The following SHE variants were observed in gnomAD, a reference collection of about 807,000 sequenced individuals.
The protein encoded by SHE is Src homology 2 domain containing E.
Under a neutral mutation model 49.8 loss-of-function variants are expected in SHE, and 11 were observed. The ratio of observed to expected loss-of-function variants is 0.22; its 90% CI spans 0.14 to 0.37. SHE has a LOEUF of 0.37. Ranked by LOEUF, SHE falls within the 10% of genes least tolerant of loss-of-function variation. The probability of loss-of-function intolerance (pLI) is 1.00; values close to 1 mark genes in which losing one functional copy is unlikely to be tolerated. For missense variants in SHE, 624 were observed against 655.5 expected (o/e 0.95, Z 0.52); for synonymous variants, 310 against 278.1 (o/e 1.11, Z -1.14).
intron 2 of SHE, 72 bp from the exon 3 acceptor site, chr1:154,489,428 G>A: frequency 6.5e-7 from 1 of 1,541,662 alleles, no homozygotes; most frequent in East Asian, 2.2e-5. Context: ...TGCCATAAAA[G>A]CCTGGTCATT....
downstream of SHE, chr1:154,469,754 A>T (rs903722482): frequency 3.9e-5 from 6 of 152,322 alleles, no homozygotes; most frequent in Admixed American, 6.5e-5. Flanking sequence ...ACAGGTGGGG[A>T]AGGAAAAGGA....
chr1:154,501,753 C>T lies in SHE; in HGVS notation c.274G>A (p.Gly92Ser), dbSNP rs758788346. 1.3e-6 allele frequency: 2 copies of T among 1,572,690 alleles called. No individual in the cohort carries two copies. The highest frequency in any genetic ancestry group is 1.7e-6 in the Non-Finnish European group (2 of 1,164,304). ...RKNSAAELGS[G>S]RAGVGPKDSR... The stretch of plus-strand genomic sequence containing the variant: ...TCCTTGGGGCCGACGCCGGCCCTGC[C>T]GCTCCCCAGCTCGGCCGCCGAGTTC... The change falls in exon 1 of 6, where the codon GGC becomes AGC. Residue 92 changes from glycine (G) to serine (S), a missense_variant. By Grantham distance (56) the Gly-to-Ser change is moderately conservative (BLOSUM62 0). Around this residue, in one of 4 missense-constraint regions of SHE, gnomAD observed 337 missense variants for 306.0 expected, o/e 1.10. Coordinates refer to ENST00000304760, the MANE Select transcript of SHE (RefSeq NM_001010846.3).
intron 3 of SHE, among the ~76,000 whole-genome samples, chr1:154,488,596 T>C (rs1473049342): frequency 6.6e-6 from 1 of 150,586 alleles, no homozygotes; most frequent in Non-Finnish European, 1.5e-5. Context: ...TAGTTACTTA[T>C]TATTTTTTGA....
chr1:154,484,687 G>T, intron 5 of SHE: 1 of 192,576 alleles, frequency 5.2e-6, no homozygotes, highest in Non-Finnish European at 1.1e-5. Context: ...CCTCGGCTGG[G>T]CACGGTGGCT....
Position 154,481,026 on chromosome 1 carries a change from T to C in SHE, c.*3123A>G. 4.1e-6 allele frequency: 4 copies of C among 985,334 alleles called. No individual in the cohort carries two copies. The highest frequency in any genetic ancestry group is 4.8e-6 in the Non-Finnish European group (4 of 829,904). The allele number at this position is 985,334 out of a possible 1,614,324, so 61.0% of individuals were successfully genotyped here. On this transcript the variant is annotated 3_prime_UTR_variant, in exon 6 of 6. Coordinates refer to ENST00000304760, the MANE Select transcript of SHE (RefSeq NM_001010846.3). ...TCTCACCAGAGAATATCCTGGGAGA[T>C]GGAATAACTCGAAGGAATGAGGACT...
rs574008664 is a variant in SHE at position 154,483,408 on chromosome 1, C to T, written c.*741G>A. 3.9e-5 allele frequency: 38 copies of T among 985,378 alleles called. No homozygotes were observed. In the East Asian group the frequency reaches 5.7e-4, roughly 15 times the overall value. 61.0% of individuals were successfully genotyped at this position (985,378 alleles called of 1,614,324 possible). ...TCCCGCTCATTCATTTCCCCAATAA[C>T]GAGTCCAATATAACATCCTCTTCCA... On this transcript the variant is annotated 3_prime_UTR_variant, in exon 6 of 6. Transcript: ENST00000304760.
At position 154,489,196 on chromosome 1, in the gene SHE, G is replaced by A. The variant is rs370622804; in HGVS notation, c.879C>T (p.Pro293=). 3.1e-6 allele frequency: 5 copies of A among 1,614,082 alleles called. No homozygotes were observed. In the East Asian group the frequency reaches 8.9e-5, roughly 29 times the overall value. ...LGKPPQLYDT[P]YEPAEGGPRA... Reference sequence around the variant, plus strand: ...TGGGCCCCCCTTCTGCAGGCTCGTAGGGAGTGTCGTATAGCTGTGGCGGCT... The same window carrying A: ...TGGGCCCCCCTTCTGCAGGCTCGTAAGGAGTGTCGTATAGCTGTGGCGGCT... The change falls in exon 3 of 6, where the codon CCC becomes CCT. Residue 293 remains proline, a synonymous_variant. Transcript: ENST00000304760.
chr1:154,489,569 C>T (rs141899119), intron 2 of SHE, among the ~76,000 whole-genome samples: 1 of 152,336 alleles, frequency 6.6e-6, no homozygotes, highest in Non-Finnish European at 1.5e-5. Context: ...AACTTCTTCC[C>T]TCCAGTTGCC....
downstream of SHE, among the ~76,000 whole-genome samples, chr1:154,478,823 A>C (rs901884166): frequency 4.1e-4 from 63 of 152,200 alleles, no homozygotes; most frequent in African/African-American, 1.5e-3. Context: ...CTCTTCTCTT[A>C]AACACAGATG....
chr1:154,480,007 A>G lies in SHE; in HGVS notation c.*4142T>C, dbSNP rs1184061904. On this transcript the variant is annotated 3_prime_UTR_variant, in exon 6 of 6. Coordinates refer to ENST00000304760, the MANE Select transcript of SHE (RefSeq NM_001010846.3). ...CCCAACTGCAGTTTTCTCTTTTCCC[A>G]TTAGATGGCAGTAACGCACCATCTC... The G allele has an allele frequency of 1.4e-5, 14 of 985,254 alleles. No homozygotes were observed. The highest frequency in any genetic ancestry group is 1.7e-5 in the Non-Finnish European group (14 of 829,926). The allele number at this position is 985,254 out of a possible 1,614,324, so 61.0% of individuals were successfully genotyped here.
Position 154,482,815 on chromosome 1 carries a change from T to C in SHE, c.*1334A>G, listed in dbSNP as rs1312757221. On this transcript the variant is annotated 3_prime_UTR_variant, in exon 6 of 6. Coordinates refer to ENST00000304760, the MANE Select transcript of SHE (RefSeq NM_001010846.3). The stretch of plus-strand genomic sequence containing the variant: ...CTAGGTCTTTTCAAACACTTCTGTA[T>C]AGTACAAGGCAGTCTGCTTGGTACA... The C allele has an allele frequency of 1.1e-5, 11 of 985,354 alleles. No homozygotes were observed. The highest frequency in any genetic ancestry group is 3.5e-5 in the African/African-American group (2 of 57,250). The allele number at this position is 985,354 out of a possible 1,614,324, so 61.0% of individuals were successfully genotyped here. A position where few individuals can be genotyped will look rare whatever the true frequency, so the allele number is the denominator to read the frequency against.
rs529630529 is a variant in SHE at position 154,483,594 on chromosome 1, C to G, written c.*555G>C. 7.1e-6 allele frequency: 7 copies of G among 985,642 alleles called. No individual in the cohort carries two copies. Among genetic ancestry groups the G allele is most frequent in the Non-Finnish European group, 8.4e-6 (7 of 830,150 alleles). 61.1% of individuals were successfully genotyped at this position (985,642 alleles called of 1,614,324 possible). The stretch of plus-strand genomic sequence containing the variant: ...TCACACCATAAAAAGAACACCCTAC[C>G]CCAGAGCTGGAGGCAACAGCTAAAT... On this transcript the variant is annotated 3_prime_UTR_variant, in exon 6 of 6. Transcript: ENST00000304760.
intron 1 of SHE, among the ~76,000 whole-genome samples, chr1:154,470,524 CAG>C (rs1177016300): frequency 6.6e-6 from 1 of 152,176 alleles, no homozygotes; most frequent in Non-Finnish European, 1.5e-5. Flanking sequence ...CCTCCAGTAG[CAG>C]AGGTGTGCTG....
At chr1:154,494,059 C>T (rs1165545179) in intron 2 of SHE, among the ~76,000 whole-genome samples, 2 of 152,206 alleles carry the variant, frequency 1.3e-5, no homozygotes, top group African/African-American at 2.4e-5. Context: ...TCCCCTAATC[C>T]ATTTTAACCC....
At position 154,480,618 on chromosome 1, in the gene SHE, A is replaced by G. The variant is rs1691993272; in HGVS notation, c.*3531T>C. On this transcript the variant is annotated 3_prime_UTR_variant, in exon 6 of 6. Coordinates refer to ENST00000304760, the MANE Select transcript of SHE (RefSeq NM_001010846.3). ...AATACCAATTCTGCAAAGTACGGAG[A>G]CTTCCAACAGCAAAGAATAAAGGCT... 1 of 985,364 alleles carries G rather than the reference A, an allele frequency of 1.0e-6. No individual in the cohort carries two copies. Among genetic ancestry groups the G allele is most frequent in the Admixed American group, 6.2e-5 (1 of 16,248 alleles). The allele number at this position is 985,364 out of a possible 1,614,324, so 61.0% of individuals were successfully genotyped here.
rs895986888 is a variant in SHE, at chr1:154,480,409, TCA to T, written c.*3738_*3739del. ...ACTTAACCCGCAACTGAAGAATGCCTCACAGTTATTCTTCTGAATATCAAGAT... is the reference window on the plus strand; with the variant it reads ...ACTTAACCCGCAACTGAAGAATGCCTCAGTTATTCTTCTGAATATCAAGAT... On this transcript the variant is annotated 3_prime_UTR_variant, in exon 6 of 6. Coordinates refer to ENST00000304760, the MANE Select transcript of SHE (RefSeq NM_001010846.3). 1.1e-4 allele frequency: 109 copies of T among 985,294 alleles called. 1 individual carries two copies. Among genetic ancestry groups the T allele is most frequent in the Middle Eastern group, 5.2e-4 (1 of 1,936 alleles). The allele number at this position is 985,294 out of a possible 1,614,324, so 61.0% of individuals were successfully genotyped here. A position where few individuals can be genotyped will look rare whatever the true frequency, so the allele number is the denominator to read the frequency against.
chr1:154,486,008 G>A lies in SHE; in HGVS notation c.1236C>T (p.Cys412=), dbSNP rs373471610. The change falls in exon 5 of 6, where the codon TGC becomes TGT. Residue 412 remains cysteine (C), a synonymous_variant. Transcript: ENST00000304760. ...RAEAESRLQP[C]KEAGYLVRNS... ...TTCGAACCAGGTAACCAGCTTCTTTGCAGGGCTGTAGTCGACTCTCAGCCT... is the reference window on the plus strand; with the variant it reads ...TTCGAACCAGGTAACCAGCTTCTTTACAGGGCTGTAGTCGACTCTCAGCCT... The A allele has an allele frequency of 1.3e-4, 202 of 1,613,992 alleles. No individual in the cohort carries two copies. Among genetic ancestry groups the A allele is most frequent in the Admixed American group, 1.7e-4 (10 of 59,996 alleles).
Position 154,501,801 on chromosome 1 carries a change from G to T in SHE, c.226C>A (p.Pro76Thr). The change falls in exon 1 of 6, where the codon CCG becomes ACG. Residue 76 changes from proline to threonine, a missense_variant. Pro to Thr is a conservative substitution (Grantham distance 38, BLOSUM62 -1). Around this residue, in one of 4 missense-constraint regions of SHE, gnomAD observed 337 missense variants for 306.0 expected, o/e 1.10. Coordinates refer to ENST00000304760, the MANE Select transcript of SHE (RefSeq NM_001010846.3). Reference sequence around the variant, plus strand: ...TTCTTGCGGCCCTTGCCAGGACCCGGCCCAGCGCCGCCCGCCTCCGAGTTC... The same window carrying T: ...TTCTTGCGGCCCTTGCCAGGACCCGTCCCAGCGCCGCCCGCCTCCGAGTTC... ...RKNSEAGGAG[P>T]GPGKGRKNSA... 6.4e-7 allele frequency: 1 copy of T among 1,552,224 alleles called. No homozygotes were observed. The highest frequency in any genetic ancestry group is 1.2e-5 in the South Asian group (1 of 85,866).
At chr1:154,474,258 A>C (rs1303603005) in intron 1 of SHE, among the ~76,000 whole-genome samples, 1 of 152,156 alleles carries the variant, frequency 6.6e-6, no homozygotes, top group African/African-American at 2.4e-5. Flanking sequence ...CGCACATACA[A>C]AGGCATGGCT....
Sources: gnomAD v4.1 joint callset for allele counts (sites outside exome capture counted in the v4.1 genomes callset) on GRCh38, gnomAD v4.1.1 for gene constraint, gnomAD v4.1.1 regional missense constraint, MANE v1.5 for transcripts, NCBI Gene and HGNC (gene_info 2026-07-23, HGNC 2026-07-21) for gene names.